The following BAHCC1 variants were observed in gnomAD, a reference collection of about 807,000 sequenced individuals.
BAHCC1 encodes BAH domain and coiled-coil containing 1.
In BAHCC1, 43 loss-of-function variants were observed where a neutral mutation model predicts 88.2. The observed-to-expected ratio is 0.49, with a 90% CI of 0.38 to 0.63. BAHCC1 has a LOEUF of 0.63. Among genes scored for constraint, BAHCC1 ranks in the 20% least tolerant of loss-of-function variants. The pLI, the probability that BAHCC1 is intolerant of heterozygous loss-of-function variation, is 0.00. For missense variants in BAHCC1, 3,023 were observed against 1,654.8 expected (o/e 1.83, Z -14.34); for synonymous variants, 1,510 against 745.5 (o/e 2.03, Z -16.71).
rs2064661569 is a variant in BAHCC1, at chr17:81,452,588, A to C, written c.4317-135A>C. On this transcript the variant is annotated intron_variant, in intron 13 of 27. Coordinates refer to ENST00000675386, the MANE Select transcript of BAHCC1 (RefSeq NM_001377448.1). ...GGCCTTGCCCTCTGCGTGAGGGGTC[A>C]GGCTCCCCAGGCCGAGTCTGGGCCG... The C allele has an allele frequency of 9.2e-6, 5 of 543,470 alleles. No individual in the cohort carries two copies. In the African/African-American group the frequency reaches 1.0e-4, roughly 11 times the overall value. The allele number at this position is 543,470 out of a possible 1,614,324, so 33.7% of individuals were successfully genotyped here.
At chr17:81,462,126 C>G (rs545236515) in intron 26 of BAHCC1, 80 bp downstream of exon 26, 6 of 640,246 alleles carry the variant, frequency 9.4e-6, no homozygotes, top group South Asian at 1.9e-5. Context: ...CTGCCCTTCC[C>G]TCTCCTTTTT....
chr17:81,465,007 C>T lies in BAHCC1; in HGVS notation c.*1190C>T, dbSNP rs2030608213. The T allele has an allele frequency of 6.6e-6, 1 of 152,310 alleles. No homozygotes were observed. The highest frequency in any genetic ancestry group is 1.5e-5 in the Non-Finnish European group (1 of 68,106). The allele number at this position is 152,310 out of a possible 1,614,324, so 9.4% of individuals were successfully genotyped here. A position where few individuals can be genotyped will look rare whatever the true frequency, so the allele number is the denominator to read the frequency against. ...GTTCACAGTCCCACCAGATTCTCTCCTCACCCCCAAGCAGAATGCATGCAA... is the reference window on the plus strand; with the variant it reads ...GTTCACAGTCCCACCAGATTCTCTCTTCACCCCCAAGCAGAATGCATGCAA... On this transcript the variant is annotated 3_prime_UTR_variant, in exon 28 of 28. Transcript: ENST00000675386.
Position 81,452,809 on chromosome 17 carries a change from G to A in BAHCC1, c.4403G>A (p.Arg1468His), listed in dbSNP as rs782024906. The A allele has an allele frequency of 1.2e-4, 90 of 740,890 alleles. 1 individual carries two copies. Among genetic ancestry groups the A allele is most frequent in the South Asian group, 9.2e-4 (64 of 69,404 alleles). 45.9% of individuals were successfully genotyped at this position (740,890 alleles called of 1,614,324 possible). Reference protein sequence around the residue: ...RKHSSSLPAPRPTGPLPRSDG... With the variant: ...RKHSSSLPAPHPTGPLPRSDG... ...CACTCAAGCTCGCTGCCTGCCCCAC[G>A]TCCCACGGGGCCGCTCCCCAGGAGC... Residue 1468 changes from arginine (R) to histidine (H), a missense_variant, in exon 14 of 28, where the codon CGT becomes CAT. Coordinates refer to ENST00000675386, the MANE Select transcript of BAHCC1 (RefSeq NM_001377448.1).
chr17:81,459,668 C>T, intron 23 of BAHCC1, 64 bp downstream of exon 23: 1 of 771,500 alleles, frequency 1.3e-6, no homozygotes, highest in Non-Finnish European at 2.4e-6. Flanking sequence ...TCATATCTGC[C>T]CCCAACAGCC....
In BAHCC1 at chr17:81,443,319, G is replaced by A. The variant is rs782191133; in HGVS notation, c.1970G>A (p.Gly657Asp). ...GQKAPLVGLG[G>D]LKASCIQQEA... ...AAAGCACCCTTGGTGGGCCTGGGTGGCCTCAAGGCCAGCTGCATCCAGCAG... is the reference window on the plus strand; with the variant it reads ...AAAGCACCCTTGGTGGGCCTGGGTGACCTCAAGGCCAGCTGCATCCAGCAG... Residue 657 changes from glycine to aspartate, a missense_variant, in exon 5 of 28, where the codon GGC (glycine) becomes GAC (aspartate). Gly to Asp is a moderately conservative substitution (Grantham distance 94). Transcript: ENST00000675386. The A allele has an allele frequency of 5.1e-6, 4 of 779,268 alleles. No homozygotes were observed. In the South Asian group the frequency reaches 5.4e-5, roughly 10 times the overall value. 48.3% of individuals were successfully genotyped at this position (779,268 alleles called of 1,614,324 possible). A position where few individuals can be genotyped will look rare whatever the true frequency, so the allele number is the denominator to read the frequency against.
chr17:81,432,049 C>T (rs933839811), intron 3 of BAHCC1, among the ~76,000 whole-genome samples: 31 of 152,184 alleles, frequency 2.0e-4, no homozygotes, highest in African/African-American at 7.5e-4. Context: ...GTCTTAGCTT[C>T]GAGTTCATAT....
In BAHCC1 at chr17:81,399,165, G is replaced by A. The variant is rs1555645443; in HGVS notation, c.-206-369G>A. 1 of 409,406 alleles carries A rather than the reference G, an allele frequency of 2.4e-6. No individual in the cohort carries two copies. Among genetic ancestry groups the A allele is most frequent in the Non-Finnish European group, 4.9e-6 (1 of 203,174 alleles). 25.4% of individuals were successfully genotyped at this position (409,406 alleles called of 1,614,324 possible). A position where few individuals can be genotyped will look rare whatever the true frequency, so the allele number is the denominator to read the frequency against. ...TGTGTGTGTGTGTGCGAGTGTGCGT[G>A]ATGGCTTCGCAGATTTGGGTTTTTA... On this transcript the variant is annotated intron_variant, in intron 1 of 27. Coordinates refer to ENST00000675386, the MANE Select transcript of BAHCC1 (RefSeq NM_001377448.1). This position sits in a 1 kb window ranked among gnomAD's most constrained non-coding sequence, Gnocchi z 4.5.
chr17:81,441,694 C>T (rs1369410175), intron 4 of BAHCC1, 137 bp from the exon 5 acceptor site: 4 of 384,318 alleles, frequency 1.0e-5, no homozygotes, highest in African/African-American at 8.6e-5. Flanking sequence ...AAAAAAAGAG[C>T]AAAAACCTTC....
chr17:81,404,493 A>G (rs2063855803), intron 2 of BAHCC1, among the ~76,000 whole-genome samples: 1 of 152,210 alleles, frequency 6.6e-6, no homozygotes, highest in African/African-American at 2.4e-5. Flanking sequence ...TCCTGGCAGC[A>G]GGGTCATTGT....
intron 3 of BAHCC1, among the ~76,000 whole-genome samples, chr17:81,436,816 C>T (rs1404312117): frequency 2.6e-5 from 4 of 152,220 alleles, no homozygotes; most frequent in African/African-American, 4.8e-5. Flanking sequence ...CTGGGATGTG[C>T]GGCCTCACAG....
At chr17:81,418,852 GTA>G (rs2064077243) in intron 2 of BAHCC1, among the ~76,000 whole-genome samples, 1 of 115,862 alleles carries the variant, frequency 8.6e-6, no homozygotes, top group Non-Finnish European at 1.9e-5. Context: ...TCCCAGACAT[GTA>G]GCACAGTCAG....
intron 7 of BAHCC1, 50 bp downstream of exon 7, chr17:81,444,618 C>T: frequency 1.3e-6 from 1 of 755,552 alleles, no homozygotes; most frequent in South Asian, 1.4e-5. Context: ...AGGGTTCCCT[C>T]CTGGTCCCCG....
rs533838303 is a variant in BAHCC1, at chr17:81,450,525, C to A, written c.3977-1143C>A. ...CCTGTCCCTGCCCCCAGGTTGAGGTCCCAGAGGATGCGGCCCTGGCAGCCC... is the reference window on the plus strand; with the variant it reads ...CCTGTCCCTGCCCCCAGGTTGAGGTACCAGAGGATGCGGCCCTGGCAGCCC... On this transcript the variant is annotated intron_variant, in intron 11 of 27. Coordinates refer to ENST00000675386, the MANE Select transcript of BAHCC1 (RefSeq NM_001377448.1). 1.2e-3 allele frequency among the ~76,000 whole-genome samples: 187 copies of A among 152,320 alleles called. 1 individual carries two copies. Among genetic ancestry groups the A allele is most frequent in the Non-Finnish European group, 1.8e-3 (124 of 68,020 alleles).
chr17:81,431,022 C>T (rs1244060323), intron 3 of BAHCC1, among the ~76,000 whole-genome samples: 2 of 62,574 alleles, frequency 3.2e-5, no homozygotes, highest in Admixed American at 1.9e-4. Flanking sequence ...GGGGTCTCGG[C>T]GTGGGGGTGG....
Position 81,445,616 on chromosome 17 carries a change from G to T in BAHCC1, c.3098G>T (p.Arg1033Leu), listed in dbSNP as rs782541294. ...AGCCCCGGGCCTGGCTCCCGGGTGC[G>T]CAGCGCCGAGGAAAAGAATGGGGAG... Reference protein sequence around the residue: ...ASSPGPGSRVRSAEEKNGEGQ... With the variant: ...ASSPGPGSRVLSAEEKNGEGQ... The change falls in exon 10 of 28, where the codon CGC becomes CTC. Residue 1033 changes from arginine to leucine, a missense_variant. By Grantham distance (102) the Arg-to-Leu change is moderately radical. Coordinates refer to ENST00000675386, the MANE Select transcript of BAHCC1 (RefSeq NM_001377448.1). 5 of 730,904 alleles carry T rather than the reference G, an allele frequency of 6.8e-6. No individual in the cohort carries two copies. Among genetic ancestry groups the T allele is most frequent in the Non-Finnish European group, 1.3e-5 (5 of 393,470 alleles). The allele number at this position is 730,904 out of a possible 1,614,324, so 45.3% of individuals were successfully genotyped here.
At position 81,458,867 on chromosome 17, in the gene BAHCC1, T is replaced by C. The variant is rs2029980793; in HGVS notation, c.5503T>C (p.Phe1835Leu). The C allele has an allele frequency of 2.6e-6, 2 of 773,648 alleles. No homozygotes were observed. The highest frequency in any genetic ancestry group is 2.4e-5 in the East Asian group (1 of 41,074). 47.9% of individuals were successfully genotyped at this position (773,648 alleles called of 1,614,324 possible). A position where few individuals can be genotyped will look rare whatever the true frequency, so the allele number is the denominator to read the frequency against. The change falls in exon 20 of 28, where the codon TTT becomes CTT. Residue 1835 changes from phenylalanine (F) to leucine (L), a missense_variant. Transcript: ENST00000675386. Reference sequence around the variant, plus strand: ...GGAAAGCTTCGCCGTGGAGGAAGACTTTGAGTTCGACGACAACAGCAGCTT... The same window carrying C: ...GGAAAGCTTCGCCGTGGAGGAAGACCTTGAGTTCGACGACAACAGCAGCTT... ...LLESFAVEED[F>L]EFDDNSSFSE... is the part of the protein sequence containing the mutation.
At chr17:81,409,711 G>C (rs940456780) in intron 2 of BAHCC1, among the ~76,000 whole-genome samples, 1 of 152,190 alleles carries the variant, frequency 6.6e-6, no homozygotes, top group Non-Finnish European at 1.5e-5. Flanking sequence ...ATCGGGCCCA[G>C]GGAGAAGGCC....
intron 2 of BAHCC1, among the ~76,000 whole-genome samples, chr17:81,415,932 C>G (rs2064015003): frequency 6.6e-6 from 1 of 151,468 alleles, no homozygotes; most frequent in Admixed American, 6.6e-5. Context: ...AGACCATGGG[C>G]CTCACACCTC....
At chr17:81,422,336 T>C (rs1466080247) in intron 2 of BAHCC1, among the ~76,000 whole-genome samples, 3 of 152,196 alleles carry the variant, frequency 2.0e-5, no homozygotes, top group Non-Finnish European at 2.9e-5. Flanking sequence ...TACCTGAGCT[T>C]ATTATGGTGA....
Sources: gnomAD v4.1 joint callset for allele counts (sites outside exome capture counted in the v4.1 genomes callset) on GRCh38, gnomAD v4.1.1 for gene constraint, Gnocchi (gnomAD v3.1) non-coding constraint, MANE v1.5 for transcripts, NCBI Gene and HGNC (gene_info 2026-07-23, HGNC 2026-07-21) for gene names.